The following ADGRA3 variants were observed in gnomAD, a reference collection of about 807,000 sequenced individuals.
The protein encoded by ADGRA3 is adhesion G protein-coupled receptor A3.
A neutral mutation model predicts 119.8 loss-of-function variants in ADGRA3; 56 were observed. The observed-to-expected ratio is 0.47, with a 90% CI of 0.38 to 0.58. The LOEUF (loss-of-function observed/expected upper bound fraction) is 0.58. Among genes scored for constraint, ADGRA3 ranks in the 20% least tolerant of loss-of-function variants. The pLI is 0.00. For synonymous variants in ADGRA3, 607 were observed against 623.8 expected (o/e 0.97, Z 0.40); for missense variants, 1,516 against 1,649.0 (o/e 0.92, Z 1.40).
Position 22,388,085 on chromosome 4 carries a change from T to A in ADGRA3, c.3586A>T (p.Thr1196Ser), listed in dbSNP as rs763375816. 1 of 1,614,170 alleles carries A rather than the reference T, an allele frequency of 6.2e-7. No individual in the cohort carries two copies. The highest frequency in any genetic ancestry group is 8.5e-7 in the Non-Finnish European group (1 of 1,180,004). ...TTCTGCACGCTTCCTTCCACGCTCGTTGGGACATCGTAGGCATATTCTCTC... is the reference window on the plus strand; with the variant it reads ...TTCTGCACGCTTCCTTCCACGCTCGATGGGACATCGTAGGCATATTCTCTC... ...VLREYAYDVP[T>S]SVEGSVQNGL... is the part of the protein sequence containing the mutation. Residue 1196 changes from threonine (T) to serine (S), a missense_variant, in exon 19 of 19, where the codon ACG (threonine) becomes TCG (serine). Thr to Ser is a moderately conservative substitution (Grantham distance 58, BLOSUM62 1). Coordinates refer to ENST00000334304, the MANE Select transcript of ADGRA3 (RefSeq NM_145290.4).
At chr4:22,412,598 CAGATAAG>C (rs1373329011) in intron 14 of ADGRA3, among the ~76,000 whole-genome samples, 1 of 152,138 alleles carries the variant, frequency 6.6e-6, no homozygotes, top group Non-Finnish European at 1.5e-5. Flanking sequence ...CCAAGCATCT[CAGATAAG>C]AGATAAGACT....
At chr4:22,389,059 C>T in intron 18 of ADGRA3, 29 bp downstream of exon 18, 1 of 1,603,182 alleles carries the variant, frequency 6.2e-7, no homozygotes, top group Non-Finnish European at 8.5e-7. Context: ...ACAACTGGGT[C>T]AAGTACACAG....
intron 2 of ADGRA3, among the ~76,000 whole-genome samples, chr4:22,463,684 C>T (rs1432181934): frequency 6.6e-6 from 1 of 152,226 alleles, no homozygotes; most frequent in African/African-American, 2.4e-5. Flanking sequence ...TGAGTTTTCT[C>T]TCAGGCTCAT....
chr4:22,431,374 G>A (rs1267376398), intron 10 of ADGRA3, among the ~76,000 whole-genome samples: 1 of 128,010 alleles, frequency 7.8e-6, no homozygotes, highest in Non-Finnish European at 1.7e-5. Flanking sequence ...CACCTGGGAG[G>A]GAGCTGTACC....
intron 4 of ADGRA3, among the ~76,000 whole-genome samples, chr4:22,450,952 AT>A (rs1407595653): frequency 0.016 from 1,793 of 111,530 alleles, 13 homozygotes; most frequent in African/African-American, 0.023. Context: ...AAAAAAAAAA[AT>A]ATATATATAT....
chr4:22,395,692 C>T lies in ADGRA3; in HGVS notation c.2482-3002G>A, dbSNP rs192990236. Among the ~76,000 whole-genome samples, 107 of 152,252 alleles carry T rather than the reference C, an allele frequency of 7.0e-4. 1 individual carries two copies. Among genetic ancestry groups the T allele is most frequent in the African/African-American group, 1.9e-3 (79 of 41,552 alleles). On this transcript the variant is annotated intron_variant, in intron 16 of 18. Transcript: ENST00000334304. ...GGGCTGAGAGGCACTCGGAATCAAA[C>T]GGACTAGCATTTGAATCATGCCTCT...
intron 10 of ADGRA3, among the ~76,000 whole-genome samples, chr4:22,426,928 T>G (rs1715963680): frequency 6.6e-6 from 1 of 152,174 alleles, no homozygotes; most frequent in East Asian, 1.9e-4. Context: ...AGCCCTTACT[T>G]CTGGAGTTAT....
At chr4:22,484,568 G>A (rs1017194826) in intron 1 of ADGRA3, among the ~76,000 whole-genome samples, 1 of 149,590 alleles carries the variant, frequency 6.7e-6, no homozygotes, top group African/African-American at 2.5e-5. Flanking sequence ...TCACGCCACT[G>A]CACTCTAGCC....
intron 12 of ADGRA3, among the ~76,000 whole-genome samples, chr4:22,417,796 A>G (rs1462881660): frequency 6.6e-6 from 1 of 152,180 alleles, no homozygotes; most frequent in African/African-American, 2.4e-5. Flanking sequence ...AAGGGAGAGT[A>G]GCAGGAATTT....
At chr4:22,433,675 G>A (rs962471822) in intron 10 of ADGRA3, among the ~76,000 whole-genome samples, 12 of 152,140 alleles carry the variant, frequency 7.9e-5, no homozygotes, top group Non-Finnish European at 1.6e-4. Flanking sequence ...CTTCGATGGC[G>A]AATGTTCTTC....
chr4:22,497,745 C>T (rs1378563015), intron 1 of ADGRA3, among the ~76,000 whole-genome samples: 3 of 126,782 alleles, frequency 2.4e-5, no homozygotes, highest in African/African-American at 6.1e-5. Context: ...GCCAAGATCG[C>T]ATCATTGCTG....
At chr4:22,506,277 G>T (rs1719237120) in intron 1 of ADGRA3, among the ~76,000 whole-genome samples, 1 of 152,162 alleles carries the variant, frequency 6.6e-6, no homozygotes, top group African/African-American at 2.4e-5. Flanking sequence ...ATAAGGCCGG[G>T]CACAGTGGCT....
intron 1 of ADGRA3, among the ~76,000 whole-genome samples, chr4:22,512,878 C>A (rs1719496044): frequency 6.7e-6 from 1 of 149,498 alleles, no homozygotes. Context: ...CAAACTTCAA[C>A]ACGCTACCTA....
chr4:22,433,420 C>A (rs991672009), intron 10 of ADGRA3, among the ~76,000 whole-genome samples: 1 of 152,170 alleles, frequency 6.6e-6, no homozygotes, highest in Non-Finnish European at 1.5e-5. Flanking sequence ...TGTGCACATA[C>A]ACTTTTCAAA....
intron 2 of ADGRA3, among the ~76,000 whole-genome samples, chr4:22,466,171 C>T (rs958950278): frequency 2.0e-5 from 3 of 152,206 alleles, no homozygotes; most frequent in Non-Finnish European, 4.4e-5. Flanking sequence ...GTGGTCCCAG[C>T]CTTGCCCACC....
At chr4:22,494,762 T>C (rs11731725) in intron 1 of ADGRA3, among the ~76,000 whole-genome samples, 16,686 of 152,000 alleles carry the variant, frequency 0.11, 1,068 homozygotes, top group East Asian at 0.23. Context: ...ATTTTCAACT[T>C]AAAAGATTAT....
chr4:22,433,293 G>T (rs570867050), intron 10 of ADGRA3, among the ~76,000 whole-genome samples: 8 of 152,264 alleles, frequency 5.3e-5, no homozygotes, highest in African/African-American at 1.9e-4. Flanking sequence ...ATGCACTCAT[G>T]ATTATTTAAA....
intron 4 of ADGRA3, among the ~76,000 whole-genome samples, chr4:22,450,349 T>C (rs1716989558): frequency 6.6e-6 from 1 of 151,700 alleles, no homozygotes; most frequent in South Asian, 2.1e-4. Flanking sequence ...CACTGCAATC[T>C]CTGCCTCCCA....
At chr4:22,439,443 G>A (rs1244413820) in intron 7 of ADGRA3, among the ~76,000 whole-genome samples, 2 of 152,130 alleles carry the variant, frequency 1.3e-5, no homozygotes, top group East Asian at 1.9e-4. Flanking sequence ...AGTATGCGTT[G>A]CTGTTATGTA....
Sources: allele counts gnomAD v4.1 joint callset (sites outside exome capture counted in the v4.1 genomes callset), GRCh38; gene constraint gnomAD v4.1.1; transcripts MANE v1.5; gene names NCBI Gene and HGNC (gene_info 2026-07-23, HGNC 2026-07-21).